USO1: variants seen among roughly 807,000 people sequenced by gnomAD.
The protein encoded by USO1 is general vesicular transport factor p115.
In USO1, 57 loss-of-function variants were observed where a neutral mutation model predicts 124.5. The ratio of observed to expected loss-of-function variants is 0.46; its 90% CI spans 0.37 to 0.57. USO1 has a LOEUF of 0.57. Among genes scored for constraint, USO1 ranks in the 20% least tolerant of loss-of-function variants. The pLI is 0.00. For missense variants in USO1, 900 were observed against 1,040.6 expected, an observed-to-expected ratio of 0.86 and a Z score of 1.86; for synonymous variants, 369 against 362.8, an observed-to-expected ratio of 1.02 and a Z score of -0.19.
At chr4:75,797,211 GTTTATCTTATAC>G (rs1344844438) in intron 13 of USO1, among the ~76,000 whole-genome samples, 1 of 151,764 alleles carries the variant, frequency 6.6e-6, no homozygotes, top group African/African-American at 2.4e-5. Flanking sequence ...ATACTTCAAT[GTTTATCTTATAC>G]TTTCTGGTTT....
chr4:75,781,755 CT>C lies in USO1; in HGVS notation c.677-920del, dbSNP rs1383759537. Among the ~76,000 whole-genome samples, 19 of 103,320 alleles carry C rather than the reference CT, an allele frequency of 1.8e-4. 1 individual carries two copies. The East Asian group carries it at 7.9e-3, about 43-fold the overall frequency. 67.8% of individuals were successfully genotyped at this position (103,320 alleles called of 152,430 possible). ...CTAAAACTGCTCTAAAAAATGATGTCTTTTTAAAAAAAAAATAATTTATTTT... is the reference window on the plus strand; with the variant it reads ...CTAAAACTGCTCTAAAAAATGATGTCTTTTAAAAAAAAAATAATTTATTTT... On this transcript the variant is annotated intron_variant, in intron 8 of 23. Coordinates refer to ENST00000514213, the MANE Select transcript of USO1 (RefSeq NM_003715.4).
intron 9 of USO1, among the ~76,000 whole-genome samples, chr4:75,783,562 C>G (rs974162568): frequency 6.6e-6 from 1 of 152,134 alleles, no homozygotes; most frequent in Non-Finnish European, 1.5e-5. Context: ...TACTTATGAA[C>G]TCATAATTCT....
chr4:75,742,770 CTGATATCTAAATGTTT>C (rs1560436966), intron 1 of USO1, among the ~76,000 whole-genome samples: 1 of 152,196 alleles, frequency 6.6e-6, no homozygotes, highest in Non-Finnish European at 1.5e-5. Flanking sequence ...ACATTAAAAT[CTGATATCTAAATGTTT>C]TACATCCTTC....
intron 4 of USO1, among the ~76,000 whole-genome samples, chr4:75,768,213 A>G (rs1721823210): frequency 6.6e-6 from 1 of 152,058 alleles, no homozygotes; most frequent in South Asian, 2.1e-4. Flanking sequence ...ACAAGTTCTC[A>G]CTATGTTGCC....
intron 7 of USO1, among the ~76,000 whole-genome samples, chr4:75,772,528 C>T (rs1052120007): frequency 1.3e-5 from 2 of 152,012 alleles, no homozygotes; most frequent in African/African-American, 4.8e-5. Flanking sequence ...TGAGCCACCG[C>T]GCCCGGCCGA....
In USO1 at chr4:75,801,100, A is replaced by G. The variant is rs987031865; in HGVS notation, c.1886A>G (p.Tyr629Cys). 1.3e-6 allele frequency: 2 copies of G among 1,586,230 alleles called. No homozygotes were observed. The highest frequency in any genetic ancestry group is 1.7e-6 in the Non-Finnish European group (2 of 1,166,462). The change falls in exon 17 of 24, where the codon TAT (tyrosine) becomes TGT (cysteine). Residue 629 changes from tyrosine to cysteine, a missense_variant. Tyr to Cys is a radical substitution (Grantham distance 194). Transcript: ENST00000514213. ...ATAGGTGTTATAACTAAGGCTATTTATAAGTCCAGTGAAGAAGATAAAAAA... is the reference window on the plus strand; with the variant it reads ...ATAGGTGTTATAACTAAGGCTATTTGTAAGTCCAGTGAAGAAGATAAAAAA... ...ELEGVITKAIYKSSEEDKKEE... is the reference protein window; with the variant it reads ...ELEGVITKAICKSSEEDKKEE...
At chr4:75,770,218 T>G in intron 4 of USO1, 1 of 310,754 alleles carries the variant, frequency 3.2e-6, no homozygotes, top group East Asian at 6.2e-5. Flanking sequence ...TTTTTAGATA[T>G]CATATTTAAA....
rs540558427 is a variant in USO1, at chr4:75,808,499, C to T, written c.2377-454C>T. ...GGTATCTAATGATACCAGTTCCTAA[C>T]CTTTCTGGTAGTTAATGCATTCATT... On this transcript the variant is annotated intron_variant, in intron 20 of 23. Transcript: ENST00000514213. Among the ~76,000 whole-genome samples the T allele has an allele frequency of 5.9e-5, 9 of 152,092 alleles. No homozygotes were observed. In the East Asian group the frequency reaches 1.7e-3, roughly 29 times the overall value.
chr4:75,725,070 T>G, intron 1 of USO1, 185 bp downstream of exon 1: 1 of 662,882 alleles, frequency 1.5e-6, no homozygotes, highest in African/African-American at 1.9e-5. Context: ...CCCAGCTCAG[T>G]CCCCATTGCT....
chr4:75,807,645 TTGTG>T (rs1216271384), intron 20 of USO1, among the ~76,000 whole-genome samples: 2 of 151,526 alleles, frequency 1.3e-5, no homozygotes, highest in African/African-American at 4.8e-5. Context: ...AATGTTTTAT[TTGTG>T]TGGGAAGATT....
In USO1 at chr4:75,770,564, T is replaced by C. The variant is rs373287190; in HGVS notation, c.396+25T>C. ...GGTAAATAGGGAACCTTGATGTTTT[T>C]GTCATCTTAATAAGCTGCTTTTGTT... On this transcript the variant is annotated intron_variant, in intron 5 of 23. Transcript: ENST00000514213. 337 of 1,544,008 alleles carry C rather than the reference T, an allele frequency of 2.2e-4. 1 individual carries two copies. In the African/African-American group the frequency reaches 4.3e-3, roughly 20 times the overall value.
At chr4:75,725,781 A>G (rs756780647) in intron 1 of USO1, among the ~76,000 whole-genome samples, 9 of 152,324 alleles carry the variant, frequency 5.9e-5, no homozygotes, top group Non-Finnish European at 7.4e-5. Context: ...TTAGATCTAC[A>G]TAAAAGAGAC....
At chr4:75,786,908 T>A (rs1418344506) in intron 9 of USO1, among the ~76,000 whole-genome samples, 154 bp from the exon 10 acceptor site, 1 of 152,174 alleles carries the variant, frequency 6.6e-6, no homozygotes, top group Non-Finnish European at 1.5e-5. Flanking sequence ...TCACAGAACT[T>A]ATTGCCATGG....
intron 1 of USO1, among the ~76,000 whole-genome samples, chr4:75,741,976 A>AC (rs1379821528): frequency 1.3e-5 from 2 of 152,098 alleles, no homozygotes; most frequent in Non-Finnish European, 2.9e-5. Flanking sequence ...ACTGTCTTCT[A>AC]CCCTCATCTC....
At chr4:75,767,687 T>A (rs1346006634) in intron 4 of USO1, among the ~76,000 whole-genome samples, 2 of 152,198 alleles carry the variant, frequency 1.3e-5, no homozygotes, top group Admixed American at 1.3e-4. Context: ...CCATTTTGAG[T>A]TAATGGGTGT....
At position 75,813,502 on chromosome 4, in the gene USO1, T is replaced by TC. The variant is rs1723208611; in HGVS notation, c.*209dup. 2 of 434,888 alleles carry TC rather than the reference T, an allele frequency of 4.6e-6. No individual in the cohort carries two copies. Among genetic ancestry groups the TC allele is most frequent in the Admixed American group, 4.5e-5 (1 of 22,116 alleles). 26.9% of individuals were successfully genotyped at this position (434,888 alleles called of 1,614,324 possible). A position where few individuals can be genotyped will look rare whatever the true frequency, so the allele number is the denominator to read the frequency against. On this transcript the variant is annotated 3_prime_UTR_variant, in exon 24 of 24. Transcript: ENST00000514213. ...GTAGAACACACATCTTTTATTTAAA[T>TC]CCATCTGAACTGTCCCAAAATGTAA... is the stretch of plus-strand genomic sequence containing the variant.
chr4:75,807,223 A>G (rs1227365024), intron 20 of USO1, among the ~76,000 whole-genome samples: 1 of 152,096 alleles, frequency 6.6e-6, no homozygotes, highest in Non-Finnish European at 1.5e-5. Flanking sequence ...CTGTATACTT[A>G]CAATTAAATA....
At position 75,808,869 on chromosome 4, in the gene USO1, T is replaced by A. The variant is rs143400064; in HGVS notation, c.2377-84T>A. On this transcript the variant is annotated intron_variant, in intron 20 of 23. Transcript: ENST00000514213. Reference sequence around the variant, plus strand: ...TTTAAAAGTAGGAGGTTGTAAATCATTTTTTTAAATGTCTCCCTGTAAATA... The same window carrying A: ...TTTAAAAGTAGGAGGTTGTAAATCAATTTTTTAAATGTCTCCCTGTAAATA... The A allele has an allele frequency of 3.5e-4, 502 of 1,428,700 alleles. 2 individuals carry two copies. In the African/African-American group the frequency reaches 6.7e-3, roughly 19 times the overall value. The allele number at this position is 1,428,700 out of a possible 1,614,324, so 88.5% of individuals were successfully genotyped here.
chr4:75,803,369 C>G (rs1356740995), intron 17 of USO1, among the ~76,000 whole-genome samples: 2 of 151,512 alleles, frequency 1.3e-5, no homozygotes, highest in East Asian at 3.9e-4. Flanking sequence ...AAATTCTGGC[C>G]GGGCACGGTG....
Sources: gnomAD v4.1 joint callset for allele counts (sites outside exome capture counted in the v4.1 genomes callset) on GRCh38, gnomAD v4.1.1 for gene constraint, MANE v1.5 for transcripts, NCBI Gene and HGNC (gene_info 2026-07-23, HGNC 2026-07-21) for gene names.